Variants in LURAP1L observed in about 807,000 individuals in gnomAD.
The protein encoded by LURAP1L is leucine rich adaptor protein 1 like.
A neutral mutation model predicts 13.8 loss-of-function variants in LURAP1L; 12 were observed. The observed-to-expected ratio is 0.87, with a 90% CI of 0.56 to 1.41. The LOEUF is 1.41. Ranked by LOEUF, LURAP1L falls within the 40% of genes most tolerant of loss-of-function variation. The pLI is 0.00. For synonymous variants in LURAP1L, 139 were observed against 119.2 expected (o/e 1.17, Z -1.08); for missense variants, 375 against 292.9 (o/e 1.28, Z -2.04).
At chr9:12,817,215 AC>A (rs778197270) in intron 1 of LURAP1L, among the ~76,000 whole-genome samples, 3 of 137,926 alleles carry the variant, frequency 2.2e-5, no homozygotes, top group Non-Finnish European at 4.7e-5. Context: ...TCCCGAAGCT[AC>A]TTTTTTTTTC....
chr9:12,804,327 T>A (rs1381865446), intron 1 of LURAP1L, among the ~76,000 whole-genome samples: 2 of 149,112 alleles, frequency 1.3e-5, no homozygotes, highest in Non-Finnish European at 3.0e-5. Flanking sequence ...TGTATGTGGC[T>A]CTGTTATTTT....
intron 1 of LURAP1L, among the ~76,000 whole-genome samples, chr9:12,818,655 C>T (rs934158941): frequency 5.9e-5 from 9 of 151,982 alleles, no homozygotes; most frequent in South Asian, 2.1e-4. Context: ...TAGTGCTTGA[C>T]GAGAGAAGTA....
chr9:12,792,141 C>T (rs779860429), intron 1 of LURAP1L, among the ~76,000 whole-genome samples: 5 of 151,996 alleles, frequency 3.3e-5, no homozygotes, highest in African/African-American at 4.8e-5. Flanking sequence ...GCTTCTGACC[C>T]ATATGAAAAT....
chr9:12,819,590 TAAAG>T (rs1397682366), intron 1 of LURAP1L, among the ~76,000 whole-genome samples: 2 of 152,188 alleles, frequency 1.3e-5, no homozygotes, highest in East Asian at 3.9e-4. Context: ...CTCTGGATCC[TAAAG>T]AAAGAATTAG....
intron 1 of LURAP1L, among the ~76,000 whole-genome samples, chr9:12,817,644 A>T (rs549377356): frequency 6.6e-6 from 1 of 152,326 alleles, no homozygotes; most frequent in Non-Finnish European, 1.5e-5. Flanking sequence ...AGTCAAGTTG[A>T]GGGACCTTAT....
At chr9:12,783,978 C>T (rs1819313176) in intron 1 of LURAP1L, among the ~76,000 whole-genome samples, 1 of 151,946 alleles carries the variant, frequency 6.6e-6, no homozygotes, top group Non-Finnish European at 1.5e-5. Context: ...CGAATGCATT[C>T]TTCAGTATGT....
At chr9:12,809,630 T>G (rs529997264) in intron 1 of LURAP1L, among the ~76,000 whole-genome samples, 1 of 152,226 alleles carries the variant, frequency 6.6e-6, no homozygotes, top group African/African-American at 2.4e-5. Flanking sequence ...CTGGTTCTGA[T>G]GCTTGCTTTG....
intron 1 of LURAP1L, among the ~76,000 whole-genome samples, chr9:12,800,533 C>CAA (rs5896538): frequency 3.0e-4 from 42 of 140,330 alleles, no homozygotes; most frequent in South Asian, 6.7e-4. Flanking sequence ...AACAACAAAA[C>CAA]AAAAAAAAAA....
chr9:12,816,487 C>T (rs905369605), intron 1 of LURAP1L, among the ~76,000 whole-genome samples: 5 of 152,312 alleles, frequency 3.3e-5, no homozygotes, highest in Middle Eastern at 3.4e-3. Flanking sequence ...CCTCATACAA[C>T]ACCACAAAGA....
intron 1 of LURAP1L, among the ~76,000 whole-genome samples, chr9:12,801,763 A>G (rs989683912): frequency 6.6e-6 from 1 of 152,226 alleles, no homozygotes; most frequent in Non-Finnish European, 1.5e-5. Flanking sequence ...AAAAGGGAGA[A>G]TAACTCAAAA....
At chr9:12,776,282 T>C (rs1819182124) in intron 1 of LURAP1L, among the ~76,000 whole-genome samples, 1 of 152,122 alleles carries the variant, frequency 6.6e-6, no homozygotes, top group South Asian at 2.1e-4. Context: ...CTGTGTACTT[T>C]CGGACAACGC....
intron 1 of LURAP1L, among the ~76,000 whole-genome samples, chr9:12,816,529 T>A (rs1487811637): frequency 6.6e-6 from 1 of 152,214 alleles, no homozygotes; most frequent in Non-Finnish European, 1.5e-5. Flanking sequence ...AAACTCCGAC[T>A]GCATTTTTTT....
intron 1 of LURAP1L, among the ~76,000 whole-genome samples, chr9:12,794,919 T>C (rs776220320): frequency 1.1e-3 from 168 of 151,952 alleles, no homozygotes; most frequent in Non-Finnish European, 6.0e-4. Flanking sequence ...TCACGTTACT[T>C]AACTAATCAT....
At chr9:12,790,360 A>C (rs1025283620) in intron 1 of LURAP1L, among the ~76,000 whole-genome samples, 9 of 152,154 alleles carry the variant, frequency 5.9e-5, no homozygotes, top group Non-Finnish European at 2.9e-5. Flanking sequence ...GGGACTAAGC[A>C]TTTATTTAAT....
chr9:12,810,277 C>T (rs1473139993), intron 1 of LURAP1L, among the ~76,000 whole-genome samples: 3 of 152,130 alleles, frequency 2.0e-5, no homozygotes, highest in African/African-American at 7.2e-5. Context: ...TCCACACTAA[C>T]CTTCCAGCAA....
chr9:12,775,774 T>A lies in LURAP1L; in HGVS notation c.59T>A (p.Val20Glu). The change falls in exon 1 of 2, where the codon GTA becomes GAA. Residue 20 changes from valine (V) to glutamate (E), a missense_variant. Val to Glu is a moderately radical substitution (Grantham distance 121, BLOSUM62 -2). Coordinates refer to ENST00000319264, the MANE Select transcript of LURAP1L (RefSeq NM_203403.2). Reference protein sequence around the residue: ...RDIELKLGRKVPESLVRSLRG... With the variant: ...RDIELKLGRKEPESLVRSLRG... ...ATCGAGCTGAAGCTGGGGCGCAAAGTACCCGAGAGTCTAGTGCGCTCTCTC... is the reference window on the plus strand; with the variant it reads ...ATCGAGCTGAAGCTGGGGCGCAAAGAACCCGAGAGTCTAGTGCGCTCTCTC... The A allele has an allele frequency of 6.2e-7, 1 of 1,609,340 alleles. No homozygotes were observed. The highest frequency in any genetic ancestry group is 8.5e-7 in the Non-Finnish European group (1 of 1,178,652).
chr9:12,820,512 C>G (rs1355074956), intron 1 of LURAP1L, among the ~76,000 whole-genome samples: 2,532 of 88,854 alleles, frequency 0.028, 232 homozygotes, highest in African/African-American at 0.1. Flanking sequence ...CCCCCCCCCC[C>G]CCAAAAAAAA....
chr9:12,817,690 T>C (rs935112672), intron 1 of LURAP1L, among the ~76,000 whole-genome samples: 3 of 152,214 alleles, frequency 2.0e-5, no homozygotes, highest in Admixed American at 6.5e-5. Flanking sequence ...AGTTTCATGC[T>C]GCAAGGGCAA....
chr9:12,788,171 G>GAAAGAAAGAAAGAA (rs1256347190), intron 1 of LURAP1L, among the ~76,000 whole-genome samples: 10 of 146,412 alleles, frequency 6.8e-5, no homozygotes, highest in Non-Finnish European at 1.3e-4. Flanking sequence ...AAGAAAGAAA[G>GAAAGAAAGAAAGAA]AAAGAAAGAA....
Sources: allele counts gnomAD v4.1 joint callset (sites outside exome capture counted in the v4.1 genomes callset), GRCh38; gene constraint gnomAD v4.1.1; transcripts MANE v1.5; gene names NCBI Gene and HGNC (gene_info 2026-07-23, HGNC 2026-07-21).